Variants in STYK1 observed in about 807,000 individuals in gnomAD.
STYK1 encodes the protein STY kinase 1.
In STYK1, 46 loss-of-function variants were observed where a neutral mutation model predicts 48.1. The observed-to-expected ratio is 0.96, with a 90% CI of 0.75 to 1.22. The LOEUF (loss-of-function observed/expected upper bound fraction) is 1.22. Ranked by LOEUF, STYK1 falls within the 50% of genes most tolerant of loss-of-function variation. STYK1 has a pLI of 0.00. For synonymous variants in STYK1, 188 were observed against 189.0 expected (o/e 0.99, Z 0.04); for missense variants, 527 against 521.1 (o/e 1.01, Z -0.11).
chr12:10,620,111 A>G lies in STYK1; in HGVS notation c.*33T>C, dbSNP rs765510228. The G allele has an allele frequency of 5.0e-6, 8 of 1,610,202 alleles. No homozygotes were observed. In the Admixed American group the frequency reaches 6.7e-5, roughly 13 times the overall value. ...AGAGGAATTGATTCCAAGAACATAT[A>G]CTCATGCATGAATGTTTCTTGCCCG... On this transcript the variant is annotated 3_prime_UTR_variant, in exon 11 of 11. Coordinates refer to ENST00000075503, the MANE Select transcript of STYK1 (RefSeq NM_018423.3).
At chr12:10,649,405 T>C (rs920447585) in intron 1 of STYK1, among the ~76,000 whole-genome samples, 2 of 152,214 alleles carry the variant, frequency 1.3e-5, no homozygotes, top group Non-Finnish European at 2.9e-5. Context: ...ATTTATTAAA[T>C]TTACGTTCAC....
chr12:10,646,804 T>G (rs1269018134), intron 1 of STYK1, among the ~76,000 whole-genome samples: 1 of 152,208 alleles, frequency 6.6e-6, no homozygotes, highest in Non-Finnish European at 1.5e-5. Context: ...TCTAGGGACT[T>G]GGTGCCCTGT....
chr12:10,673,943 GC>G (rs1234283611), intron 1 of STYK1, 22 bp downstream of exon 1: 1 of 143,888 alleles, frequency 6.9e-6, no homozygotes, highest in Non-Finnish European at 1.5e-5. Flanking sequence ...CGCCGCGCCC[GC>G]CCCCCATACC....
intron 6 of STYK1, among the ~76,000 whole-genome samples, chr12:10,627,993 T>C (rs539812788): frequency 1.3e-5 from 2 of 152,340 alleles, no homozygotes; most frequent in African/African-American, 4.8e-5. Context: ...CAGCAATTTT[T>C]CTAGGGCTCT....
At chr12:10,659,581 GA>G (rs1426701151) in intron 1 of STYK1, among the ~76,000 whole-genome samples, 1 of 6,174 alleles carries the variant, frequency 1.6e-4, no homozygotes, top group Admixed American at 3.8e-3. Context: ...ATGGGCCCAG[GA>G]GGCAAGTTAT....
At chr12:10,629,353 AT>A (rs1426232947) in intron 6 of STYK1, 139 bp downstream of exon 6, 1 of 840,806 alleles carries the variant, frequency 1.2e-6, no homozygotes, top group Non-Finnish European at 1.8e-6. Context: ...AAAAAGTTCT[AT>A]TATATGGTCA....
chr12:10,653,455 G>T (rs1947685059), intron 1 of STYK1, among the ~76,000 whole-genome samples: 1 of 152,078 alleles, frequency 6.6e-6, no homozygotes, highest in East Asian at 1.9e-4. Flanking sequence ...ACCTCATGAG[G>T]AGTACCCAAG....
chr12:10,657,699 G>T (rs1402264560), intron 1 of STYK1, among the ~76,000 whole-genome samples: 1 of 152,170 alleles, frequency 6.6e-6, no homozygotes, highest in East Asian at 1.9e-4. Flanking sequence ...AATTAGACAT[G>T]CCCCCTGGCA....
At chr12:10,649,812 A>G (rs1358544832) in intron 1 of STYK1, among the ~76,000 whole-genome samples, 1 of 152,164 alleles carries the variant, frequency 6.6e-6, no homozygotes, top group East Asian at 1.9e-4. Flanking sequence ...CAACCGTTAA[A>G]TCAAGATTAA....
At chr12:10,627,601 G>A in intron 7 of STYK1, 40 bp downstream of exon 7, 4 of 1,556,342 alleles carry the variant, frequency 2.6e-6, no homozygotes, top group Non-Finnish European at 3.5e-6. Context: ...GGCTAACAAG[G>A]AAACGTCACA....
At position 10,629,521 on chromosome 12, in the gene STYK1, A is replaced by G. The variant is rs1367270675; in HGVS notation, c.605T>C (p.Leu202Pro). Residue 202 changes from leucine (L) to proline (P), a missense_variant, in exon 6 of 11, where the codon CTG becomes CCG. Coordinates refer to ENST00000075503, the MANE Select transcript of STYK1 (RefSeq NM_018423.3). ...MVLEDVAQGD[L>P]LSFLWTCRRD... is the part of the protein sequence containing the mutation. ...CCGACAGGTCCAGAGAAAGCTGAGC[A>G]GGTCCCCCTGGGCCACATCCTCCAA... 1 of 1,614,206 alleles carries G rather than the reference A, an allele frequency of 6.2e-7. No homozygotes were observed. The highest frequency in any genetic ancestry group is 1.7e-5 in the Admixed American group (1 of 60,028).
intron 4 of STYK1, among the ~76,000 whole-genome samples, chr12:10,633,217 AG>A (rs1166084377): frequency 6.6e-6 from 1 of 152,234 alleles, no homozygotes; most frequent in Non-Finnish European, 1.5e-5. Context: ...TTTTCAATGC[AG>A]CTGTCATTGA....
rs528773150 is a variant in STYK1 at position 10,668,382 on chromosome 12, C to T, written c.-195+5584G>A. ...GCTGTTTTTTCTTCTACTTCTTCTT[C>T]TTTTTTTTTTTAGACAGAGTTTCAC... On this transcript the variant is annotated intron_variant, in intron 1 of 10. Transcript: ENST00000075503. 5.6e-5 allele frequency among the ~76,000 whole-genome samples: 8 copies of T among 143,272 alleles called. No individual in the cohort carries two copies. In the East Asian group the frequency reaches 1.6e-3, roughly 29 times the overall value. 94.0% of individuals were successfully genotyped at this position (143,272 alleles called of 152,430 possible). A position where few individuals can be genotyped will look rare whatever the true frequency, so the allele number is the denominator to read the frequency against.
At chr12:10,620,473 T>G in intron 10 of STYK1, 125 bp from the exon 11 acceptor site, 1 of 837,680 alleles carries the variant, frequency 1.2e-6, no homozygotes. Context: ...TTTGCCCTGT[T>G]ACTCATATTC....
chr12:10,663,872 C>T (rs10845197), intron 1 of STYK1, among the ~76,000 whole-genome samples: 81,540 of 149,968 alleles, frequency 0.54, 23,006 homozygotes, highest in East Asian at 0.77. Context: ...TCATTTAGGT[C>T]TTCTTTAGCT....
chr12:10,646,166 T>C (rs1947596720), intron 1 of STYK1, among the ~76,000 whole-genome samples: 3 of 152,212 alleles, frequency 2.0e-5, no homozygotes, highest in Admixed American at 1.3e-4. Flanking sequence ...ATTTTGGAAC[T>C]GGGTAACAGG....
At chr12:10,667,694 T>C (rs930133946) in intron 1 of STYK1, among the ~76,000 whole-genome samples, 2 of 152,152 alleles carry the variant, frequency 1.3e-5, no homozygotes, top group Non-Finnish European at 2.9e-5. Context: ...AGAAGGGTTA[T>C]TATGAATGAG....
At position 10,629,493 on chromosome 12, in the gene STYK1, C is replaced by A; in HGVS notation, c.633G>T (p.Arg211=). The A allele has an allele frequency of 6.2e-7, 1 of 1,613,894 alleles. No homozygotes were observed. Among genetic ancestry groups the A allele is most frequent in the Non-Finnish European group, 8.5e-7 (1 of 1,180,000 alleles). The change falls in exon 6 of 11, where the codon CGG becomes CGT. Residue 211 remains arginine (R), a splice_region_variant and synonymous_variant. Coordinates refer to ENST00000075503, the MANE Select transcript of STYK1 (RefSeq NM_018423.3). The part of the protein sequence containing the change: ...DLLSFLWTCR[R]DVMTMDGLLY... Reference sequence around the variant, plus strand: ...CTAATACCTCTGCCCTACTGCTCACCCGCCGACAGGTCCAGAGAAAGCTGA... The same window carrying A: ...CTAATACCTCTGCCCTACTGCTCACACGCCGACAGGTCCAGAGAAAGCTGA...
At chr12:10,634,969 C>T (rs922047289) in intron 2 of STYK1, among the ~76,000 whole-genome samples, 1 of 152,144 alleles carries the variant, frequency 6.6e-6, no homozygotes, top group African/African-American at 2.4e-5. Context: ...AAAGTCTCCC[C>T]TCCCACCCGA....
Sources: gnomAD v4.1 joint callset for allele counts (sites outside exome capture counted in the v4.1 genomes callset) on GRCh38, gnomAD v4.1.1 for gene constraint, MANE v1.5 for transcripts, NCBI Gene and HGNC (gene_info 2026-07-23, HGNC 2026-07-21) for gene names.